Variants in RNASEH1 observed in about 807,000 individuals in gnomAD.
RNASEH1 encodes the protein ribonuclease H1, also known as ribonuclease H type II.
Under a neutral mutation model 34.6 loss-of-function variants are expected in RNASEH1, and 27 were observed. The observed-to-expected ratio is 0.78, with a 90% CI of 0.58 to 1.08. The LOEUF is 1.08. RNASEH1 is among the 50% of genes least tolerant of loss of function. The pLI is 0.00. For synonymous variants in RNASEH1, 162 were observed against 138.4 expected (o/e 1.17, Z -1.20); for missense variants, 349 against 373.6 (o/e 0.93, Z 0.54).
intron 5 of RNASEH1, 102 bp downstream of exon 5, chr2:3,548,956 A>T: frequency 9.8e-7 from 1 of 1,018,128 alleles, no homozygotes; most frequent in Non-Finnish European, 1.5e-6. Context: ...TCTCTCTTCA[A>T]ATATCTTATA....
chr2:3,539,553 T>C (rs1044891682), downstream of RNASEH1, among the ~76,000 whole-genome samples: 2 of 152,186 alleles, frequency 1.3e-5, no homozygotes, highest in Non-Finnish European at 2.9e-5. Flanking sequence ...ACGCCTTCTG[T>C]GTGCCAGGAG....
At chr2:3,558,067 G>C in intron 1 of RNASEH1, 66 bp downstream of exon 1, 2 of 1,508,638 alleles carry the variant, frequency 1.3e-6, no homozygotes, top group Non-Finnish European at 1.8e-6. Flanking sequence ...GCCGGGGTTA[G>C]CCGGGCTCCG....
downstream of RNASEH1, among the ~76,000 whole-genome samples, chr2:3,538,649 C>T (rs553718660): frequency 6.6e-6 from 1 of 152,246 alleles, no homozygotes; most frequent in South Asian, 2.1e-4. Context: ...ATTCCACGGC[C>T]GCTTCAGGTC....
In RNASEH1 at chr2:3,544,066, A is replaced by T. The variant is rs1393486554; in HGVS notation, c.*1719T>A. ...GAACTGTACCACTGGGTAACCAGAT[A>T]AGTATAAAAAAGAAAACACTTTCTT... On this transcript the variant is annotated 3_prime_UTR_variant, in exon 8 of 8. Transcript: ENST00000315212. Among the ~76,000 whole-genome samples the T allele has an allele frequency of 6.6e-6, 1 of 152,238 alleles. No individual in the cohort carries two copies. The highest frequency in any genetic ancestry group is 1.5e-5 in the Non-Finnish European group (1 of 68,052).
Position 3,541,526 on chromosome 2 carries a change from T to C in RNASEH1, c.*4259A>G, listed in dbSNP as rs139928248. Among the ~76,000 whole-genome samples, 949 of 152,292 alleles carry C rather than the reference T, an allele frequency of 6.2e-3. 10 individuals are homozygous for C. Among genetic ancestry groups the C allele is most frequent in the African/African-American group, 0.021 (890 of 41,548 alleles). ...AGGTAAATAAATAAACTGTGGTATATCCATGCAATACAAAATGTGGATTAT... is the reference window on the plus strand; with the variant it reads ...AGGTAAATAAATAAACTGTGGTATACCCATGCAATACAAAATGTGGATTAT... On this transcript the variant is annotated 3_prime_UTR_variant, in exon 8 of 8. Transcript: ENST00000315212.
intron 1 of RNASEH1, among the ~76,000 whole-genome samples, chr2:3,557,254 TGAG>T (rs754056063): frequency 1.1e-4 from 17 of 152,184 alleles, no homozygotes; most frequent in Non-Finnish European, 2.4e-4. Context: ...TAGCTGAAAC[TGAG>T]GATGCAAACT....
At chr2:3,534,773 G>A in the RNASEH1 span, among the ~76,000 whole-genome samples, 1 of 152,192 alleles carries the variant, frequency 6.6e-6, no homozygotes, top group Admixed American at 6.5e-5. Context: ...CTGGTGAAGT[G>A]GCACAGAAAA....
chr2:3,540,100 C>T (rs936479719), downstream of RNASEH1, among the ~76,000 whole-genome samples: 2 of 152,086 alleles, frequency 1.3e-5, no homozygotes, highest in African/African-American at 4.8e-5. Flanking sequence ...TCTTCAACGG[C>T]CTCTATTTGT....
chr2:3,556,751 A>G (rs1660542722), intron 2 of RNASEH1, 38 bp downstream of exon 2: 1 of 1,405,374 alleles, frequency 7.1e-7, no homozygotes, highest in Non-Finnish European at 1.0e-6. Context: ...AAGCCTTTGA[A>G]TAGGTTAAAA....
At chr2:3,548,509 C>T in intron 6 of RNASEH1, 131 bp downstream of exon 6, 1 of 621,878 alleles carries the variant, frequency 1.6e-6, no homozygotes. Flanking sequence ...AATCCTCACT[C>T]TTTGCTCGGT....
chr2:3,533,542 C>G, the RNASEH1 span: 1 of 152,212 alleles, frequency 6.6e-6, no homozygotes, highest in Admixed American at 6.5e-5. Flanking sequence ...GGAAGGTGAG[C>G]CAGGAGTTGC....
In RNASEH1 at chr2:3,542,568, T is replaced by C. The variant is rs1668391173; in HGVS notation, c.*3217A>G. On this transcript the variant is annotated 3_prime_UTR_variant, in exon 8 of 8. Transcript: ENST00000315212. ...GTTATGAGACCTGAACACACAGAAA[T>C]GAGTCAATGGTGGTAAAAAGGAGCA... Among the ~76,000 whole-genome samples, 1 of 152,108 alleles carries C rather than the reference T, an allele frequency of 6.6e-6. No individual in the cohort carries two copies. Among genetic ancestry groups the C allele is most frequent in the Admixed American group, 6.5e-5 (1 of 15,268 alleles).
the RNASEH1 span, among the ~76,000 whole-genome samples, chr2:3,535,406 GAC>G: frequency 1.4e-5 from 2 of 143,060 alleles, no homozygotes; most frequent in African/African-American, 2.7e-5. Context: ...CAGCCTGCGT[GAC>G]AGAGTGAGAC....
At position 3,558,131 on chromosome 2, in the gene RNASEH1, AC is replaced by A; in HGVS notation, c.128+1del. ...AGGCGCCTCGGCGGGCGGGCCACTC[AC>A]CAGGTCAGAAAGACCCCGGTCTTGC... On this transcript the variant is annotated splice_donor_variant, in intron 1 of 7. Coordinates refer to ENST00000315212, the MANE Select transcript of RNASEH1 (RefSeq NM_002936.6). LOFTEE classifies it high-confidence loss of function. The A allele has an allele frequency of 6.3e-7, 1 of 1,594,358 alleles. No homozygotes were observed. The highest frequency in any genetic ancestry group is 1.1e-5 in the South Asian group (1 of 88,980).
rs1668612751 is a variant in RNASEH1 at position 3,545,048 on chromosome 2, T to G, written c.*737A>C. The G allele has an allele frequency of 6.6e-6, 1 of 151,824 alleles. No homozygotes were observed. Among genetic ancestry groups the G allele is most frequent in the Non-Finnish European group, 1.5e-5 (1 of 67,992 alleles). 9.4% of individuals were successfully genotyped at this position (151,824 alleles called of 1,614,324 possible). A position where few individuals can be genotyped will look rare whatever the true frequency, so the allele number is the denominator to read the frequency against. On this transcript the variant is annotated 3_prime_UTR_variant, in exon 8 of 8. Transcript: ENST00000315212. The stretch of plus-strand genomic sequence containing the variant: ...CCTTGGCCTCCCAAAGTGCTAGGAT[T>G]ACAGAAGTGAGCCACTGTGCCCAGC...
At position 3,542,589 on chromosome 2, in the gene RNASEH1, G is replaced by T. The variant is rs999083230; in HGVS notation, c.*3196C>A. On this transcript the variant is annotated 3_prime_UTR_variant, in exon 8 of 8. Transcript: ENST00000315212. Reference sequence around the variant, plus strand: ...GAAATGAGTCAATGGTGGTAAAAAGGAGCAATTTTTCTGACAACGTAGACA... The same window carrying T: ...GAAATGAGTCAATGGTGGTAAAAAGTAGCAATTTTTCTGACAACGTAGACA... Among the ~76,000 whole-genome samples the T allele has an allele frequency of 1.3e-5, 2 of 152,156 alleles. No individual in the cohort carries two copies. Among genetic ancestry groups the T allele is most frequent in the African/African-American group, 4.8e-5 (2 of 41,434 alleles).
downstream of RNASEH1, among the ~76,000 whole-genome samples, chr2:3,539,069 T>C (rs138706824): frequency 1.1e-3 from 163 of 152,330 alleles, 2 homozygotes; most frequent in East Asian, 0.026. Context: ...CTAGTTCTTA[T>C]ATATTAGGGA....
In RNASEH1 at chr2:3,550,474, T is replaced by C; in HGVS notation, c.410-2A>G. 1.2e-6 allele frequency: 2 copies of C among 1,612,860 alleles called. No homozygotes were observed. The highest frequency in any genetic ancestry group is 2.2e-5 in the South Asian group (2 of 91,056). ...CAGTGTAGACGACGACGAAGTCTCC[T>C]GTGGGAAAAGGAAGTACATGCTGCT... On this transcript the variant is annotated splice_acceptor_variant, in intron 3 of 7. Transcript: ENST00000315212. LOFTEE classifies it high-confidence loss of function.
chr2:3,548,772 G>T, intron 5 of RNASEH1, 48 bp from the exon 6 acceptor site: 1 of 1,360,384 alleles, frequency 7.4e-7, no homozygotes, highest in South Asian at 1.2e-5. Flanking sequence ...GTTCAACTCT[G>T]ACATTACTAA....
Sources: allele counts gnomAD v4.1 joint callset (sites outside exome capture counted in the v4.1 genomes callset), GRCh38; gene constraint gnomAD v4.1.1; transcripts MANE v1.5; gene names NCBI Gene and HGNC (gene_info 2026-07-23, HGNC 2026-07-21).